EHD1: variants seen among roughly 807,000 people sequenced by gnomAD.
EHD1 encodes the protein EH domain containing 1.
EHD1 carries 19 observed loss-of-function variants against 39.0 expected under a neutral mutation model. The ratio of observed to expected loss-of-function variants is 0.49; its 90% CI spans 0.34 to 0.72. The LOEUF is 0.72. EHD1 is among the 30% of genes least tolerant of loss of function. The probability of loss-of-function intolerance (pLI) is 0.01; values close to 1 mark genes in which losing one functional copy is unlikely to be tolerated. For missense variants in EHD1, 542 were observed against 751.5 expected, an observed-to-expected ratio of 0.72 and a Z score of 3.26; for synonymous variants, 323 against 331.2, an observed-to-expected ratio of 0.98 and a Z score of 0.27.
chr11:64,860,101 G>T lies in EHD1; in HGVS notation c.738C>A (p.Thr246=), dbSNP rs547652824. The change falls in exon 3 of 5, where the codon ACC becomes ACA. Residue 246 remains threonine (T), a synonymous_variant. Coordinates refer to ENST00000320631, the MANE Select transcript of EHD1 (RefSeq NM_006795.4). The part of the protein sequence containing the change: ...LMWSLGKIIN[T]PEVVRVYIGS... ...CGATGTAGACCCTGACCACCTCGGG[G>T]GTGTTGATGATCTTGCCCAGGGACC... 194 of 1,614,166 alleles carry T rather than the reference G, an allele frequency of 1.2e-4. 4 individuals carry two copies. The South Asian group carries it at 2.1e-3, about 17-fold the overall frequency.
chr11:64,877,962 G>T, intron 1 of EHD1, 99 bp downstream of exon 1: 1 of 1,295,558 alleles, frequency 7.7e-7, no homozygotes, highest in Non-Finnish European at 1.0e-6. Context: ...GGGCCTCGGA[G>T]ACAAAGGACG....
intron 2 of EHD1, among the ~76,000 whole-genome samples, chr11:64,865,622 A>G (rs756772518): frequency 2.6e-5 from 4 of 152,240 alleles, no homozygotes; most frequent in Non-Finnish European, 5.9e-5. Context: ...GCCCCCTCTG[A>G]TAAGGGATCA....
intron 2 of EHD1, among the ~76,000 whole-genome samples, chr11:64,865,696 G>C (rs1043629496): frequency 6.6e-6 from 1 of 152,188 alleles, no homozygotes; most frequent in Admixed American, 6.5e-5. Flanking sequence ...GCTAAGTGAT[G>C]AAATAAGTCT....
chr11:64,857,838 T>C (rs1943669724), intron 3 of EHD1, among the ~76,000 whole-genome samples: 1 of 152,124 alleles, frequency 6.6e-6, no homozygotes, highest in Admixed American at 6.5e-5. Context: ...GGCACATCTG[T>C]CACTGAAGCC....
In EHD1 at chr11:64,855,380, T is replaced by C. The variant is rs1247699756; in HGVS notation, c.1022A>G (p.Lys341Arg). Residue 341 changes from lysine to arginine, a missense_variant, in exon 4 of 5, where the codon AAG becomes AGG. Transcript: ENST00000320631. ...GGAGATCTGGTGCTCGCGCTCAATC[T>C]TCTGGTAGATCTCTCCGAGGTTGTT... ...LVNNLGEIYQKIEREHQISPG... is the reference protein window; with the variant it reads ...LVNNLGEIYQRIEREHQISPG... 2 of 1,614,168 alleles carry C rather than the reference T, an allele frequency of 1.2e-6. No homozygotes were observed. Among genetic ancestry groups the C allele is most frequent in the South Asian group, 2.2e-5 (2 of 91,088 alleles).
chr11:64,854,688 G>A lies in EHD1; in HGVS notation c.1250C>T (p.Thr417Ile). 6.2e-7 allele frequency: 1 copy of A among 1,613,704 alleles called. No individual in the cohort carries two copies. Among genetic ancestry groups the A allele is most frequent in the Non-Finnish European group, 8.5e-7 (1 of 1,179,990 alleles). Residue 417 changes from threonine to isoleucine, a missense_variant, in exon 5 of 5, where the codon ACC (threonine) becomes ATC (isoleucine). By Grantham distance (89) the Thr-to-Ile change is moderately conservative. Coordinates refer to ENST00000320631, the MANE Select transcript of EHD1 (RefSeq NM_006795.4). ...QVVKGGAFDG[T>I]MNGPFGHGYG... is the part of the protein sequence containing the mutation. ...GCCGTGCCCGAACGGCCCGTTCATG[G>A]TGCCGTCAAAGGCGCCGCCCTTGAC...
chr11:64,852,937 T>A lies in EHD1; in HGVS notation c.*1396A>T, dbSNP rs745903738. ...CGAGCAGCGCTGGGGAGAAGCTCCC[T>A]GAGACCCCCGCGGGAAAGCCTGGTG... On this transcript the variant is annotated 3_prime_UTR_variant, in exon 5 of 5. Transcript: ENST00000320631. 2.0e-5 allele frequency: 3 copies of A among 152,408 alleles called. No homozygotes were observed. The highest frequency in any genetic ancestry group is 6.5e-5 in the Admixed American group (1 of 15,292). The allele number at this position is 152,408 out of a possible 1,614,324, so 9.4% of individuals were successfully genotyped here. A position where few individuals can be genotyped will look rare whatever the true frequency, so the allele number is the denominator to read the frequency against.
intron 2 of EHD1, among the ~76,000 whole-genome samples, chr11:64,870,719 G>C (rs187178655): frequency 6.6e-6 from 1 of 152,212 alleles, no homozygotes; most frequent in Non-Finnish European, 1.5e-5. Flanking sequence ...AGGCACTGCC[G>C]GGACCACGCA....
At chr11:64,869,473 T>G (rs1943805034) in intron 2 of EHD1, among the ~76,000 whole-genome samples, 1 of 152,250 alleles carries the variant, frequency 6.6e-6, no homozygotes, top group Non-Finnish European at 1.5e-5. Context: ...GATCACCGTC[T>G]GGAAAGCCCT....
intron 2 of EHD1, among the ~76,000 whole-genome samples, 192 bp from the exon 3 acceptor site, chr11:64,860,528 T>C (rs1031858100): frequency 2.6e-5 from 4 of 151,568 alleles, no homozygotes; most frequent in Non-Finnish European, 5.9e-5. Context: ...AGGTCATGAG[T>C]TTGAGGCCAG....
In EHD1 at chr11:64,853,271, T is replaced by C. The variant is rs1211062287; in HGVS notation, c.*1062A>G. 6.6e-6 allele frequency: 1 copy of C among 152,290 alleles called. No homozygotes were observed. Among genetic ancestry groups the C allele is most frequent in the Non-Finnish European group, 1.5e-5 (1 of 68,096 alleles). 9.4% of individuals were successfully genotyped at this position (152,290 alleles called of 1,614,324 possible). A position where few individuals can be genotyped will look rare whatever the true frequency, so the allele number is the denominator to read the frequency against. The stretch of plus-strand genomic sequence containing the variant: ...CAGAAGGGGCTGGGTTTTCCCCTGG[T>C]CCCCGCTGTCTGGACATGAGAGCCT... On this transcript the variant is annotated 3_prime_UTR_variant, in exon 5 of 5. Transcript: ENST00000320631.
chr11:64,872,166 C>T (rs1249513095), intron 2 of EHD1, among the ~76,000 whole-genome samples: 3 of 152,156 alleles, frequency 2.0e-5, no homozygotes, highest in Admixed American at 2.0e-4. Context: ...ACTCGGGAGA[C>T]TAAGGTGGAA....
rs1196481927 is a variant in EHD1, at chr11:64,851,911, G to A, written c.*2422C>T. On this transcript the variant is annotated 3_prime_UTR_variant, in exon 5 of 5. Coordinates refer to ENST00000320631, the MANE Select transcript of EHD1 (RefSeq NM_006795.4). ...GATCGTGACAGCGCAGCTCCACCTGGCACAGGGTGAATGCCCACAGGTGGC... is the reference window on the plus strand; with the variant it reads ...GATCGTGACAGCGCAGCTCCACCTGACACAGGGTGAATGCCCACAGGTGGC... 6.6e-6 allele frequency: 1 copy of A among 152,224 alleles called. No homozygotes were observed. Among genetic ancestry groups the A allele is most frequent in the Non-Finnish European group, 1.5e-5 (1 of 68,038 alleles). The allele number at this position is 152,224 out of a possible 1,614,324, so 9.4% of individuals were successfully genotyped here.
Position 64,854,832 on chromosome 11 carries a change from C to T in EHD1, c.1106G>A (p.Ser369Asn). 6.3e-7 allele frequency: 1 copy of T among 1,599,984 alleles called. No individual in the cohort carries two copies. Among genetic ancestry groups the T allele is most frequent in the East Asian group, 2.2e-5 (1 of 44,860 alleles). ...MQELLQTQDF[S>N]KFQALKPKLL... is the part of the protein sequence containing the mutation. ...CTTGGGCTTCAGCGCCTGGAACTTG[C>T]TGAAGTCCTGGGTCTGCAGGAGTTC... The change falls in exon 5 of 5, where the codon AGC becomes AAC. Residue 369 changes from serine to asparagine, a missense_variant. Transcript: ENST00000320631.
chr11:64,869,081 A>C (rs1206905223), intron 2 of EHD1, among the ~76,000 whole-genome samples: 2 of 152,260 alleles, frequency 1.3e-5, no homozygotes, highest in Non-Finnish European at 2.9e-5. Flanking sequence ...TAAGAAGCTC[A>C]GATTCTGATG....
At chr11:64,874,593 C>T in intron 1 of EHD1, 75 bp from the exon 2 acceptor site, 2 of 1,205,548 alleles carry the variant, frequency 1.7e-6, no homozygotes, top group East Asian at 2.9e-5. Flanking sequence ...AAAGGGCTCT[C>T]TGTACTCCTT....
At chr11:64,855,724 G>A (rs933627705) in intron 3 of EHD1, 51 of 557,058 alleles carry the variant, frequency 9.2e-5, no homozygotes, top group Non-Finnish European at 1.2e-4. Context: ...ACAGGAAAAC[G>A]CACTTGAAAC....
chr11:64,873,518 G>A (rs1020371808), intron 2 of EHD1, among the ~76,000 whole-genome samples: 1 of 152,110 alleles, frequency 6.6e-6, no homozygotes, highest in Non-Finnish European at 1.5e-5. Flanking sequence ...TGCCCCAGGG[G>A]TTCAAAAGCA....
intron 2 of EHD1, among the ~76,000 whole-genome samples, chr11:64,860,771 C>T (rs534582208): frequency 1.5e-4 from 22 of 151,440 alleles, no homozygotes; most frequent in African/African-American, 4.9e-4. Flanking sequence ...CCTGTAATCC[C>T]GACACTTTGG....
Sources: gnomAD v4.1 joint callset for allele counts (sites outside exome capture counted in the v4.1 genomes callset) on GRCh38, gnomAD v4.1.1 for gene constraint, MANE v1.5 for transcripts, NCBI Gene and HGNC (gene_info 2026-07-23, HGNC 2026-07-21) for gene names.